NOTCH4: variants seen among roughly 807,000 people sequenced by gnomAD.
NOTCH4 encodes the protein notch receptor 4.
NOTCH4 carries 138 observed loss-of-function variants against 189.0 expected under a neutral mutation model. The observed-to-expected ratio is 0.73, with a 90% CI of 0.64 to 0.84. The LOEUF (loss-of-function observed/expected upper bound fraction) is 0.84. NOTCH4 is among the 40% of genes least tolerant of loss of function. The pLI, the probability that NOTCH4 is intolerant of heterozygous loss-of-function variation, is 0.00. For synonymous variants in NOTCH4, 942 were observed against 1,032.8 expected, an observed-to-expected ratio of 0.91 and a Z score of 1.69; for missense variants, 2,286 against 2,605.4, an observed-to-expected ratio of 0.88 and a Z score of 2.67.
rs756335804 is a variant in NOTCH4, at chr6:32,200,782, G to A, written c.4315+49C>T. On this transcript the variant is annotated intron_variant, in intron 23 of 29. Transcript: ENST00000375023. This position sits in a 1 kb window ranked among gnomAD's most constrained non-coding sequence, Gnocchi z 5.0. ...CCTCCATTGCCTGTTGCTAGCATGAGAGCTGGCCTGGGAACAGAGGTCAGA... is the reference window on the plus strand; with the variant it reads ...CCTCCATTGCCTGTTGCTAGCATGAAAGCTGGCCTGGGAACAGAGGTCAGA... 1.4e-6 allele frequency: 2 copies of A among 1,480,518 alleles called. No homozygotes were observed. The highest frequency in any genetic ancestry group is 4.4e-5 in the Admixed American group (2 of 45,818). The allele number at this position is 1,480,518 out of a possible 1,614,324, so 91.7% of individuals were successfully genotyped here.
rs1445341844 is a variant in NOTCH4 at position 32,212,398 on chromosome 6, A to C, written c.2680+76T>G. 7 of 1,414,274 alleles carry C rather than the reference A, an allele frequency of 4.9e-6. No homozygotes were observed. Among genetic ancestry groups the C allele is most frequent in the African/African-American group, 1.4e-5 (1 of 69,732 alleles). 87.6% of individuals were successfully genotyped at this position (1,414,274 alleles called of 1,614,324 possible). ...TTGTTTTGGCCAAAAGCTGTGTGGA[A>C]GCCCACAGGAACGGGGCAGGTGAGA... On this transcript the variant is annotated intron_variant, in intron 17 of 29. Transcript: ENST00000375023. The surrounding 1 kb of genome is among the most constrained non-coding windows in gnomAD (Gnocchi z 4.4).
Position 32,201,326 on chromosome 6 carries a change from C to T in NOTCH4, c.3930G>A (p.Gln1310=). The part of the protein sequence containing the change: ...LVVLSPPALD[Q]QLFALARVLS... The stretch of plus-strand genomic sequence containing the variant: ...GCACCCGGGCCAGGGCAAACAGCTG[C>T]TGGTCTAGGGCTGGGGGGCTCAGTA... The change falls in exon 22 of 30, where the codon CAG becomes CAA. Residue 1310 remains glutamine, a synonymous_variant. Coordinates refer to ENST00000375023, the MANE Select transcript of NOTCH4 (RefSeq NM_004557.4). This position sits in a 1 kb window ranked among gnomAD's most constrained non-coding sequence, Gnocchi z 5.5. The T allele has an allele frequency of 6.2e-7, 1 of 1,612,538 alleles. No individual in the cohort carries two copies. The highest frequency in any genetic ancestry group is 8.5e-7 in the Non-Finnish European group (1 of 1,179,716).
Position 32,195,895 on chromosome 6 carries a change from G to T in NOTCH4, c.5554C>A (p.Pro1852Thr), listed in dbSNP as rs1386300382. The T allele has an allele frequency of 6.3e-7, 1 of 1,588,670 alleles. No individual in the cohort carries two copies. Among genetic ancestry groups the T allele is most frequent in the Admixed American group, 1.7e-5 (1 of 58,358 alleles). ...RARTVSVSVP[P>T]HGGGALPRCR... ...CGCGGCAGAGCCCCGCCCCCATGCG[G>T]GGGCACGCTTACTGACACCGTCCGT... Residue 1852 changes from proline (P) to threonine (T), a missense_variant, in exon 30 of 30, where the codon CCG becomes ACG. This residue lies in a region of NOTCH4 where 383 missense variants were observed against 343.5 expected (regional missense o/e 1.11). Transcript: ENST00000375023. The surrounding 1 kb of genome is among the most constrained non-coding windows in gnomAD (Gnocchi z 5.4).
chr6:32,217,322 G>A lies in NOTCH4; in HGVS notation c.1625-56C>T, dbSNP rs1240223580. Reference sequence around the variant, plus strand: ...GGCCAAGGTCATCGAGGGAGGCACAGCATGGCGCCTTCCCTTGCCAGGAAA... The same window carrying A: ...GGCCAAGGTCATCGAGGGAGGCACAACATGGCGCCTTCCCTTGCCAGGAAA... On this transcript the variant is annotated intron_variant, in intron 9 of 29. Coordinates refer to ENST00000375023, the MANE Select transcript of NOTCH4 (RefSeq NM_004557.4). The surrounding 1 kb of genome is among the most constrained non-coding windows in gnomAD (Gnocchi z 4.2). The A allele has an allele frequency of 3.6e-6, 4 of 1,123,362 alleles. No individual in the cohort carries two copies. Among genetic ancestry groups the A allele is most frequent in the Admixed American group, 1.8e-5 (1 of 54,604 alleles). The allele number at this position is 1,123,362 out of a possible 1,614,324, so 69.6% of individuals were successfully genotyped here.
rs577160458 is a variant in NOTCH4 at position 32,195,505 on chromosome 6, G to C, written c.5944C>G (p.Gln1982Glu). 6.2e-7 allele frequency: 1 copy of C among 1,613,012 alleles called. No homozygotes were observed. The highest frequency in any genetic ancestry group is 1.1e-5 in the South Asian group (1 of 91,080). The change falls in exon 30 of 30, where the codon CAA becomes GAA. Residue 1982 changes from glutamine to glutamate, a missense_variant. Gln to Glu is a conservative substitution (Grantham distance 29, BLOSUM62 2). This residue lies in a region of NOTCH4 where 383 missense variants were observed against 343.5 expected (regional missense o/e 1.11). Transcript: ENST00000375023. This position sits in a 1 kb window ranked among gnomAD's most constrained non-coding sequence, Gnocchi z 5.4. ...AGGGCTGGGGGACCACAGTCAAGTTGAGGTGATCCCCGCTCCGGGGACGGA... is the reference window on the plus strand; with the variant it reads ...AGGGCTGGGGGACCACAGTCAAGTTCAGGTGATCCCCGCTCCGGGGACGGA... Reference protein sequence around the residue: ...LTPSPERGSPQLDCGPPALQE... With the variant: ...LTPSPERGSPELDCGPPALQE...
intron 18 of NOTCH4, among the ~76,000 whole-genome samples, chr6:32,205,614 C>T (rs933586629): frequency 6.8e-6 from 1 of 146,418 alleles, no homozygotes; most frequent in African/African-American, 2.5e-5. Flanking sequence ...AGGTTTACTA[C>T]TGATCAGTAT....
At chr6:32,208,879 C>G (rs1788851737) in intron 18 of NOTCH4, among the ~76,000 whole-genome samples, 1 of 152,190 alleles carries the variant, frequency 6.6e-6, no homozygotes, top group Non-Finnish European at 1.5e-5. Flanking sequence ...AAAAATAGAT[C>G]TACCATGTGA....
chr6:32,221,485 G>C lies in NOTCH4; in HGVS notation c.452-160C>G, dbSNP rs117906350. Among the ~76,000 whole-genome samples the C allele has an allele frequency of 2.3e-3, 354 of 152,268 alleles. 15 individuals carry two copies. In the East Asian group the frequency reaches 0.061, roughly 26 times the overall value. On this transcript the variant is annotated intron_variant, in intron 3 of 29. Transcript: ENST00000375023. This position sits in a 1 kb window ranked among gnomAD's most constrained non-coding sequence, Gnocchi z 4.3. ...TGCTCTGTTCCATCACCCCTGCTCT[G>C]AGCGATGTCATGGCTTGGGAGGGTT...
chr6:32,214,718 C>T (rs894532982), intron 12 of NOTCH4, among the ~76,000 whole-genome samples: 1 of 151,702 alleles, frequency 6.6e-6, no homozygotes, highest in Non-Finnish European at 1.5e-5. Context: ...ACCTCCGCCT[C>T]TTGGGTTCAA....
At position 32,217,021 on chromosome 6, in the gene NOTCH4, A is replaced by G; in HGVS notation, c.1785T>C (p.Ser595=). ...AGCTGGCTCCAACGGGACATGGGTC[A>G]CTCAGGCACTCATCCACCTCTGTTT... ...RCQTEVDECL[S]DPCPVGASCL... is the part of the protein sequence containing the mutation. The change falls in exon 11 of 30, where the codon AGT becomes AGC. Residue 595 remains serine, a synonymous_variant. Coordinates refer to ENST00000375023, the MANE Select transcript of NOTCH4 (RefSeq NM_004557.4). The surrounding 1 kb of genome is among the most constrained non-coding windows in gnomAD (Gnocchi z 4.2). 3 of 1,613,056 alleles carry G rather than the reference A, an allele frequency of 1.9e-6. No homozygotes were observed. Among genetic ancestry groups the G allele is most frequent in the Non-Finnish European group, 2.5e-6 (3 of 1,180,024 alleles).
chr6:32,221,976 AG>A lies in NOTCH4; in HGVS notation c.451+534del, dbSNP rs1404356901. On this transcript the variant is annotated intron_variant, in intron 3 of 29. Transcript: ENST00000375023. The surrounding 1 kb of genome is among the most constrained non-coding windows in gnomAD (Gnocchi z 4.3). ...AGTGGCAGAGCTAGCATTTGGATCC[AG>A]GGGCTGGTGCAGAGCCCCTAGAATG... is the stretch of plus-strand genomic sequence containing the variant. Among the ~76,000 whole-genome samples, 1 of 152,152 alleles carries A rather than the reference AG, an allele frequency of 6.6e-6. No individual in the cohort carries two copies. The highest frequency in any genetic ancestry group is 1.5e-5 in the Non-Finnish European group (1 of 68,032).
chr6:32,195,670 G>A lies in NOTCH4; in HGVS notation c.5779C>T (p.Pro1927Ser), dbSNP rs913889261. 1.2e-6 allele frequency: 2 copies of A among 1,612,852 alleles called. No individual in the cohort carries two copies. Among genetic ancestry groups the A allele is most frequent in the African/African-American group, 2.7e-5 (2 of 74,926 alleles). Residue 1927 changes from proline to serine, a missense_variant, in exon 30 of 30, where the codon CCT becomes TCT. Transcript: ENST00000375023. This position sits in a 1 kb window ranked among gnomAD's most constrained non-coding sequence, Gnocchi z 5.4. The stretch of plus-strand genomic sequence containing the variant: ...CCGTATCTTCCTCGCATTATCGCAG[G>A]GTTGGGCCGAGGCCCGCGCATGCCT... ...SAGMRGPRPN[P>S]AIMRGRYGVA...
chr6:32,208,823 C>T (rs1018750646), intron 18 of NOTCH4, among the ~76,000 whole-genome samples: 3 of 152,144 alleles, frequency 2.0e-5, no homozygotes, highest in African/African-American at 4.8e-5. Flanking sequence ...GGAATGTAAA[C>T]TAACACAGCC....
Position 32,195,409 on chromosome 6 carries a change from T to C in NOTCH4, c.*28A>G. 6.5e-7 allele frequency: 1 copy of C among 1,530,654 alleles called. No homozygotes were observed. Among genetic ancestry groups the C allele is most frequent in the Middle Eastern group, 1.8e-4 (1 of 5,668 alleles). The allele number at this position is 1,530,654 out of a possible 1,614,324, so 94.8% of individuals were successfully genotyped here. ...CCTGCCTTTTAATGGGTAATCATTT[T>C]TGGAATTCCTCCCTACCATGTATTC... On this transcript the variant is annotated 3_prime_UTR_variant, in exon 30 of 30. Coordinates refer to ENST00000375023, the MANE Select transcript of NOTCH4 (RefSeq NM_004557.4). The surrounding 1 kb of genome is among the most constrained non-coding windows in gnomAD (Gnocchi z 5.4).
intron 12 of NOTCH4, among the ~76,000 whole-genome samples, chr6:32,214,818 G>C (rs1789299968): frequency 6.6e-6 from 1 of 152,020 alleles, no homozygotes; most frequent in Non-Finnish European, 1.5e-5. Context: ...TAGCTACAGG[G>C]TTTCACCATG....
rs1265267854 is a variant in NOTCH4, at chr6:32,212,278, G to A, written c.2680+196C>T. 6.6e-6 allele frequency among the ~76,000 whole-genome samples: 1 copy of A among 152,084 alleles called. No individual in the cohort carries two copies. Among genetic ancestry groups the A allele is most frequent in the African/African-American group, 2.4e-5 (1 of 41,386 alleles). ...GTGTTGCTTGAATTGCGTTAAATGA[G>A]GTAACAGGAATTGTGTTAGGCTTCT... On this transcript the variant is annotated intron_variant, in intron 17 of 29. Transcript: ENST00000375023. The surrounding 1 kb of genome is among the most constrained non-coding windows in gnomAD (Gnocchi z 4.4).
chr6:32,223,174 C>G (rs777491587), intron 1 of NOTCH4, 88 bp from the exon 2 acceptor site: 38 of 935,270 alleles, frequency 4.1e-5, no homozygotes, highest in Non-Finnish European at 6.7e-5. Flanking sequence ...GACCTGCCCA[C>G]AGCAGCTCCC....
At chr6:32,214,079 C>G (rs958213791) in intron 13 of NOTCH4, 31 bp downstream of exon 13, 1 of 1,588,268 alleles carries the variant, frequency 6.3e-7, no homozygotes, top group African/African-American at 1.4e-5. Context: ...GTGACCAGCA[C>G]AGGGTGTATA....
rs1398910506 is a variant in NOTCH4, at chr6:32,203,899, G to T, written c.3119-17C>A. The T allele has an allele frequency of 6.5e-7, 1 of 1,543,150 alleles. No individual in the cohort carries two copies. The highest frequency in any genetic ancestry group is 8.8e-7 in the Non-Finnish European group (1 of 1,140,492). On this transcript the variant is annotated splice_polypyrimidine_tract_variant and intron_variant, in intron 19 of 29. Coordinates refer to ENST00000375023, the MANE Select transcript of NOTCH4 (RefSeq NM_004557.4). ...ACCACTGGCCTGTAATTATGGGGGA[G>T]ATTAGATGTCACACACTGCATCAGT... is the stretch of plus-strand genomic sequence containing the variant.
Sources: gnomAD v4.1 joint callset for allele counts (sites outside exome capture counted in the v4.1 genomes callset) on GRCh38, gnomAD v4.1.1 for gene constraint, gnomAD v4.1.1 regional missense constraint, Gnocchi (gnomAD v3.1) non-coding constraint, MANE v1.5 for transcripts, NCBI Gene and HGNC (gene_info 2026-07-23, HGNC 2026-07-21) for gene names.